PLCG2: variants seen among roughly 807,000 people sequenced by gnomAD.
PLCG2 encodes the protein phospholipase C gamma 2.
A neutral mutation model predicts 175.6 loss-of-function variants in PLCG2; 69 were observed. The ratio of observed to expected loss-of-function variants is 0.39; its 90% CI spans 0.32 to 0.48. The LOEUF is 0.48. Among genes scored for constraint, PLCG2 ranks in the 20% least tolerant of loss-of-function variants. PLCG2 has a pLI of 0.91. For synonymous variants in PLCG2, 827 were observed against 624.0 expected (o/e 1.33, Z -4.85); for missense variants, 1,798 against 1,650.9 (o/e 1.09, Z -1.54).
At chr16:81,916,946 G>C (rs899346327) in intron 19 of PLCG2, among the ~76,000 whole-genome samples, 2 of 152,116 alleles carry the variant, frequency 1.3e-5, no homozygotes, top group South Asian at 2.1e-4. Flanking sequence ...CCAGGACTTT[G>C]TTATTGACTA....
chr16:81,787,840 G>C (rs749475318), intron 2 of PLCG2, among the ~76,000 whole-genome samples: 1 of 151,962 alleles, frequency 6.6e-6, no homozygotes, highest in Non-Finnish European at 1.5e-5. Flanking sequence ...GTGGGCTTTT[G>C]TGACTGGCTT....
chr16:81,775,718 A>T (rs1251065908), upstream of PLCG2, among the ~76,000 whole-genome samples: 1 of 152,200 alleles, frequency 6.6e-6, no homozygotes, highest in African/African-American at 2.4e-5. Context: ...AGTCAAGATG[A>T]TTCAGCTTAA....
At chr16:81,825,958 T>G (rs1905028969) in intron 2 of PLCG2, among the ~76,000 whole-genome samples, 1 of 152,068 alleles carries the variant, frequency 6.6e-6, no homozygotes, top group Non-Finnish European at 1.5e-5. Context: ...CCAGAGAAAT[T>G]TTCTCAGATG....
At chr16:81,740,513 G>C (rs2143040009) in intron 1 of PLCG2, 2 of 152,216 alleles carry the variant, frequency 1.3e-5, no homozygotes, top group Admixed American at 1.3e-4. Flanking sequence ...GTCCCAAGCA[G>C]GCAGATCGCC....
chr16:81,873,224 T>A (rs939173116), intron 7 of PLCG2, among the ~76,000 whole-genome samples: 5 of 152,216 alleles, frequency 3.3e-5, no homozygotes, highest in African/African-American at 4.8e-5. Flanking sequence ...CACTTAGCCT[T>A]TTCTATAAAA....
intron 9 of PLCG2, among the ~76,000 whole-genome samples, chr16:81,888,285 A>G (rs1286890020): frequency 2.0e-5 from 3 of 152,058 alleles, no homozygotes; most frequent in East Asian, 3.9e-4. Flanking sequence ...ACCTCGGTTC[A>G]TTGCAACCTC....
At chr16:81,882,392 G>A (rs1686670138) in intron 8 of PLCG2, among the ~76,000 whole-genome samples, 1 of 152,096 alleles carries the variant, frequency 6.6e-6, no homozygotes, top group South Asian at 2.1e-4. Context: ...TGATGGCCTG[G>A]AGTCTGGTGG....
chr16:81,783,568 T>G (rs190620635), intron 1 of PLCG2, among the ~76,000 whole-genome samples: 1 of 152,338 alleles, frequency 6.6e-6, no homozygotes, highest in East Asian at 1.9e-4. Flanking sequence ...ATCTTTGTGC[T>G]GCTGCTGGTC....
chr16:81,771,535 C>A (rs1472747123), intron 2 of PLCG2, among the ~76,000 whole-genome samples: 1 of 152,112 alleles, frequency 6.6e-6, no homozygotes, highest in Non-Finnish European at 1.5e-5. Flanking sequence ...GAGGATTAGC[C>A]CTTGCCTGAT....
intron 7 of PLCG2, among the ~76,000 whole-genome samples, chr16:81,872,046 A>T (rs1381890017): frequency 3.3e-5 from 5 of 152,128 alleles, no homozygotes. Context: ...CATAGAATAC[A>T]GGCCAGGTGC....
intron 30 of PLCG2, among the ~76,000 whole-genome samples, chr16:81,942,457 T>A (rs72824939): frequency 0.03 from 4,581 of 152,290 alleles, 88 homozygotes; most frequent in Non-Finnish European, 0.043. Flanking sequence ...CACATCCATA[T>A]TCATGGGAGG....
At chr16:81,957,403 C>T (rs1911618108) in intron 32 of PLCG2, among the ~76,000 whole-genome samples, 1 of 152,204 alleles carries the variant, frequency 6.6e-6, no homozygotes, top group African/African-American at 2.4e-5. Flanking sequence ...CTTGCCACTT[C>T]CCCTAAGTAG....
At chr16:81,934,584 C>G (rs1910631758) in intron 26 of PLCG2, 53 bp downstream of exon 26, 5 of 1,051,428 alleles carry the variant, frequency 4.8e-6, no homozygotes, top group Admixed American at 1.8e-5. Flanking sequence ...ACTTAACTTC[C>G]TTTAGAGTCT....
rs376052873 is a variant in PLCG2, at chr16:81,862,908, C to T, written c.479+3745C>T. Among the ~76,000 whole-genome samples the T allele has an allele frequency of 1.4e-4, 21 of 152,108 alleles. No homozygotes were observed. In the East Asian group the frequency reaches 2.1e-3, roughly 15 times the overall value. On this transcript the variant is annotated intron_variant, in intron 5 of 32. Coordinates refer to ENST00000564138, the MANE Select transcript of PLCG2 (RefSeq NM_002661.5). Reference sequence around the variant, plus strand: ...CAAAACAAAACAAAACCAAAAACAACGAAAATAAAAACAATTGTGCTGTTG... The same window carrying T: ...CAAAACAAAACAAAACCAAAAACAATGAAAATAAAAACAATTGTGCTGTTG...
At chr16:81,930,622 C>A (rs117170490) in intron 24 of PLCG2, among the ~76,000 whole-genome samples, 10 of 150,794 alleles carry the variant, frequency 6.6e-5, no homozygotes, top group Non-Finnish European at 1.3e-4. Context: ...GTGGTGTGCA[C>A]CTGTGGTCTC....
rs187991883 is a variant in PLCG2, at chr16:81,839,161, T to A, written c.194-15283T>A. Among the ~76,000 whole-genome samples the A allele has an allele frequency of 2.6e-5, 4 of 152,314 alleles. No homozygotes were observed. In the East Asian group the frequency reaches 7.7e-4, roughly 29 times the overall value. On this transcript the variant is annotated intron_variant, in intron 2 of 32. Coordinates refer to ENST00000564138, the MANE Select transcript of PLCG2 (RefSeq NM_002661.5). ...ACTGGTTTTCTTTTTGCCAAAAACATAAAATCACTCTTAACATACATCAGT... is the reference window on the plus strand; with the variant it reads ...ACTGGTTTTCTTTTTGCCAAAAACAAAAAATCACTCTTAACATACATCAGT...
intron 31 of PLCG2, 54 bp downstream of exon 31, chr16:81,946,317 G>A (rs1290727619): frequency 7.7e-7 from 1 of 1,301,044 alleles, no homozygotes; most frequent in Non-Finnish European, 1.1e-6. Flanking sequence ...GCTGGTGAGG[G>A]TAGAAACGGC....
chr16:81,849,770 T>TG (rs1567497219), intron 2 of PLCG2, among the ~76,000 whole-genome samples: 18 of 34,702 alleles, frequency 5.2e-4, no homozygotes, highest in African/African-American at 2.6e-3. Context: ...AAACTCTGTC[T>TG]CAAAAAAAAA....
chr16:81,956,220 C>G (rs541265977), intron 31 of PLCG2, among the ~76,000 whole-genome samples: 2 of 152,186 alleles, frequency 1.3e-5, no homozygotes, highest in Non-Finnish European at 2.9e-5. Context: ...CACCTTGCAG[C>G]TTGTTACCTT....
Sources: gnomAD v4.1 joint callset for allele counts (sites outside exome capture counted in the v4.1 genomes callset) on GRCh38, gnomAD v4.1.1 for gene constraint, MANE v1.5 for transcripts, NCBI Gene and HGNC (gene_info 2026-07-23, HGNC 2026-07-21) for gene names.